The following C21orf58 variants were observed in gnomAD, a reference collection of about 807,000 sequenced individuals.
C21orf58 encodes chromosome 21 open reading frame 58, also known as uncharacterized protein C21orf58.
C21orf58 carries 34 observed loss-of-function variants against 35.8 expected under a neutral mutation model. That is an observed-to-expected ratio of 0.95 (90% CI 0.72 to 1.26). The LOEUF (loss-of-function observed/expected upper bound fraction) is 1.26. C21orf58 is among the 50% of genes most tolerant of loss of function. The pLI, the probability that C21orf58 is intolerant of heterozygous loss-of-function variation, is 0.00. For missense variants in C21orf58, 440 were observed against 414.3 expected (o/e 1.06, Z -0.54); for synonymous variants, 191 against 175.8 (o/e 1.09, Z -0.68).
rs558846372 is a variant in C21orf58, at chr21:46,304,718, C to T, written c.722-2142G>A. ...TTGAGAGACTGTGTGGCTGTATTTC[C>T]TGACACAGCCATTTCTGTCCTAGGC... On this transcript the variant is annotated intron_variant, in intron 6 of 7. Coordinates refer to ENST00000291691, the MANE Select transcript of C21orf58 (RefSeq NM_058180.5). 5.9e-5 allele frequency among the ~76,000 whole-genome samples: 9 copies of T among 152,248 alleles called. No individual in the cohort carries two copies. In the East Asian group the frequency reaches 1.5e-3, roughly 26 times the overall value.
At chr21:46,321,274 T>C (rs1386521043) in intron 1 of C21orf58, among the ~76,000 whole-genome samples, 2 of 152,168 alleles carry the variant, frequency 1.3e-5, no homozygotes, top group East Asian at 3.8e-4. Context: ...TTTCAAGCGA[T>C]TCTTCTGCCT....
Position 46,323,768 on chromosome 21 carries a change from G to A in C21orf58, c.-1030C>T. 1 of 288,676 alleles carries A rather than the reference G, an allele frequency of 3.5e-6. No individual in the cohort carries two copies. Among genetic ancestry groups the A allele is most frequent in the South Asian group, 3.1e-5 (1 of 32,452 alleles). 17.9% of individuals were successfully genotyped at this position (288,676 alleles called of 1,614,324 possible). A position where few individuals can be genotyped will look rare whatever the true frequency, so the allele number is the denominator to read the frequency against. On this transcript the variant is annotated 5_prime_UTR_variant, in exon 1 of 8. Transcript: ENST00000291691. ...CTGGCCCTGTCCGGGTGGTTGCTGAGCACCGTTCGGCGCCGCCCGCGCCTG... is the reference window on the plus strand; with the variant it reads ...CTGGCCCTGTCCGGGTGGTTGCTGAACACCGTTCGGCGCCGCCCGCGCCTG...
chr21:46,318,169 G>C lies in C21orf58; in HGVS notation c.152C>G (p.Ala51Gly). Residue 51 changes from alanine (A) to glycine (G), a missense_variant, in exon 2 of 8, where the codon GCT becomes GGT. Ala to Gly is a moderately conservative substitution (Grantham distance 60). Coordinates refer to ENST00000291691, the MANE Select transcript of C21orf58 (RefSeq NM_058180.5). ...CGCAGGAAAGAACTGCTCAGCAGGA[G>C]CCCAAGCACCGGTGTTGCCTGCAGG... ...ARPAGNTGAW[A>G]PAEQFFPASN... The C allele has an allele frequency of 6.2e-7, 1 of 1,613,080 alleles. No individual in the cohort carries two copies. Among genetic ancestry groups the C allele is most frequent in the Non-Finnish European group, 8.5e-7 (1 of 1,180,026 alleles).
In C21orf58 at chr21:46,323,394, TC is replaced by T. The variant is rs1404903897; in HGVS notation, c.-657del. On this transcript the variant is annotated 5_prime_UTR_variant, in exon 1 of 8. Coordinates refer to ENST00000291691, the MANE Select transcript of C21orf58 (RefSeq NM_058180.5). ...TCTGTCTACTAAAAACCTTTTCTTT[TC>T]TTTTTTTTTTGAGACCTAAGACATC... The T allele has an allele frequency of 7.2e-6, 1 of 139,352 alleles. No individual in the cohort carries two copies. Among genetic ancestry groups the T allele is most frequent in the Non-Finnish European group, 1.7e-5 (1 of 60,416 alleles). 8.6% of individuals were successfully genotyped at this position (139,352 alleles called of 1,614,324 possible). A position where few individuals can be genotyped will look rare whatever the true frequency, so the allele number is the denominator to read the frequency against.
intron 6 of C21orf58, among the ~76,000 whole-genome samples, chr21:46,309,923 A>C (rs1010229487): frequency 2.0e-5 from 3 of 151,568 alleles, no homozygotes; most frequent in African/African-American, 7.3e-5. Context: ...TTAAACCTGG[A>C]GGGGCAGAGG....
At chr21:46,311,392 G>T in intron 6 of C21orf58, 64 bp downstream of exon 6, 1 of 967,980 alleles carries the variant, frequency 1.0e-6, no homozygotes, top group Non-Finnish European at 1.5e-6. Flanking sequence ...CTGCTTCCAG[G>T]AACATTTTCC....
rs780539479 is a variant in C21orf58 at position 46,315,495 on chromosome 21, C to T, written c.423G>A (p.Arg141=). The T allele has an allele frequency of 5.0e-6, 8 of 1,608,280 alleles. No homozygotes were observed. Among genetic ancestry groups the T allele is most frequent in the Non-Finnish European group, 6.0e-6 (7 of 1,175,104 alleles). ...DALQTALKRR[R]DLLQRLREQH... ...CTACCCGGAGTCTCTGCAGAAGGTC[C>T]CTCCTTCTCTTCAGAGCAGTCTGCA... The change falls in exon 4 of 8, where the codon AGG becomes AGA. Residue 141 remains arginine (R), a synonymous_variant. Transcript: ENST00000291691.
At chr21:46,322,225 T>A (rs1175992723) in intron 1 of C21orf58, among the ~76,000 whole-genome samples, 1 of 151,964 alleles carries the variant, frequency 6.6e-6, no homozygotes, top group Non-Finnish European at 1.5e-5. Context: ...AAGTTGAGGC[T>A]GCAATGAGCG....
At chr21:46,304,795 T>C (rs1172349109) in intron 6 of C21orf58, among the ~76,000 whole-genome samples, 1 of 152,204 alleles carries the variant, frequency 6.6e-6, no homozygotes, top group Non-Finnish European at 1.5e-5. Context: ...GCCTGGAATC[T>C]TGAGCGGGGA....
chr21:46,316,789 G>A (rs2082991596), intron 3 of C21orf58, among the ~76,000 whole-genome samples: 1 of 152,222 alleles, frequency 6.6e-6, no homozygotes, highest in Non-Finnish European at 1.5e-5. Flanking sequence ...ACGTTCCAAA[G>A]AACAAGAAAT....
intron 6 of C21orf58, among the ~76,000 whole-genome samples, chr21:46,304,501 C>A (rs936252096): frequency 9.9e-5 from 15 of 150,962 alleles, no homozygotes; most frequent in African/African-American, 3.4e-4. Flanking sequence ...AAAAAAAAAA[C>A]CTCAAAAAAC....
chr21:46,318,011 C>T lies in C21orf58; in HGVS notation c.309+1G>A. The T allele has an allele frequency of 1.2e-6, 2 of 1,613,262 alleles. No homozygotes were observed. The highest frequency in any genetic ancestry group is 1.3e-5 in the African/African-American group (1 of 75,066). On this transcript the variant is annotated splice_donor_variant, in intron 2 of 7. Coordinates refer to ENST00000291691, the MANE Select transcript of C21orf58 (RefSeq NM_058180.5). LOFTEE classifies it high-confidence loss of function. The stretch of plus-strand genomic sequence containing the variant: ...CAGGAGCATCCCGGGCTCTGCCTCA[C>T]CTGTCCCAAGAGCTTCAGCGTCAGT...
chr21:46,322,289 A>G, intron 1 of C21orf58: 1 of 252,522 alleles, frequency 4.0e-6, no homozygotes, highest in Non-Finnish European at 6.3e-6. Flanking sequence ...CCTGCCTATA[A>G]AAAAGAAAAG....
At chr21:46,302,360 C>T in intron 7 of C21orf58, 125 bp downstream of exon 7, 2 of 1,084,036 alleles carry the variant, frequency 1.8e-6, no homozygotes, top group Non-Finnish European at 2.7e-6. Context: ...GGGGGCTTCA[C>T]AGCCAGACTG....
chr21:46,317,962 C>T, intron 2 of C21orf58, 50 bp downstream of exon 2: 1 of 1,599,442 alleles, frequency 6.3e-7, no homozygotes, highest in Non-Finnish European at 8.5e-7. Flanking sequence ...CCCTCCAACG[C>T]CACAGCCTGC....
chr21:46,312,577 CAACA>C (rs1021915564), intron 5 of C21orf58, among the ~76,000 whole-genome samples: 14 of 152,302 alleles, frequency 9.2e-5, no homozygotes, highest in Middle Eastern at 3.4e-3. Flanking sequence ...TCCAACCAAC[CAACA>C]GTGTCCAGGC....
At chr21:46,316,694 G>C (rs561188558) in intron 3 of C21orf58, among the ~76,000 whole-genome samples, 2 of 152,370 alleles carry the variant, frequency 1.3e-5, no homozygotes, top group Admixed American at 1.3e-4. Flanking sequence ...CTGCAGTCAG[G>C]GGACCTGGTT....
intron 6 of C21orf58, among the ~76,000 whole-genome samples, chr21:46,309,654 A>G (rs1246468951): frequency 2.0e-5 from 3 of 152,128 alleles, no homozygotes; most frequent in African/African-American, 7.2e-5. Flanking sequence ...TGCTGAGAGA[A>G]GCCATACAAA....
rs368939440 is a variant in C21orf58, at chr21:46,314,785, G to C, written c.540C>G (p.Pro180=). The C allele has an allele frequency of 9.8e-6, 15 of 1,530,044 alleles. No homozygotes were observed. The highest frequency in any genetic ancestry group is 4.0e-5 in the Admixed American group (2 of 49,826). The allele number at this position is 1,530,044 out of a possible 1,614,324, so 94.8% of individuals were successfully genotyped here. The part of the protein sequence containing the change: ...LGSALPPELP[P]TGILPTASPS... ...GGGAGGCAGTGGGTAGGATGCCCGTGGGGGGCAGCTCTGGGGGCAGGGCTG... is the reference window on the plus strand; with the variant it reads ...GGGAGGCAGTGGGTAGGATGCCCGTCGGGGGCAGCTCTGGGGGCAGGGCTG... The change falls in exon 5 of 8, where the codon CCC becomes CCG. Residue 180 remains proline, a synonymous_variant. Transcript: ENST00000291691.
Sources: allele counts gnomAD v4.1 joint callset (sites outside exome capture counted in the v4.1 genomes callset), GRCh38; gene constraint gnomAD v4.1.1; transcripts MANE v1.5; gene names NCBI Gene and HGNC (gene_info 2026-07-23, HGNC 2026-07-21).